The following ST6GAL1 variants were observed in gnomAD, a reference collection of about 807,000 sequenced individuals.
ST6GAL1 encodes ST6 beta-galactoside alpha-2,6-sialyltransferase 1, also known as beta-galactoside alpha-2,6-sialyltransferase 1.
A neutral mutation model predicts 38.0 loss-of-function variants in ST6GAL1; 20 were observed. The ratio of observed to expected loss-of-function variants is 0.53; its 90% CI spans 0.37 to 0.77. The LOEUF is 0.77. Among genes scored for constraint, ST6GAL1 ranks in the 30% least tolerant of loss-of-function variants. The pLI, the probability that ST6GAL1 is intolerant of heterozygous loss-of-function variation, is 0.00. For synonymous variants in ST6GAL1, 196 were observed against 188.2 expected (o/e 1.04, Z -0.34); for missense variants, 432 against 496.4 (o/e 0.87, Z 1.23).
rs374148828 is a variant in ST6GAL1 at position 187,048,880 on chromosome 3, A to ATTTTTTTTTTTTTTT, written c.608-2355_608-2341dup. Among the ~76,000 whole-genome samples the ATTTTTTTTTTTTTTT allele has an allele frequency of 7.8e-4, 90 of 115,432 alleles. 3 individuals are homozygous for ATTTTTTTTTTTTTTT. Among genetic ancestry groups the ATTTTTTTTTTTTTTT allele is most frequent in the African/African-American group, 3.3e-3 (87 of 26,564 alleles). The allele number at this position is 115,432 out of a possible 152,430, so 75.7% of individuals were successfully genotyped here. ...TCTGGCTCTGTCCCTGAGAAATTGA[A>ATTTTTTTTTTTTTTT]TTTTTTTTTTTTTTTTTTTTTTTTT... On this transcript the variant is annotated intron_variant, in intron 4 of 7. Transcript: ENST00000169298.
chr3:186,973,515 C>T (rs1020521494), intron 2 of ST6GAL1, among the ~76,000 whole-genome samples: 3 of 152,308 alleles, frequency 2.0e-5, no homozygotes, highest in Middle Eastern at 3.4e-3. Flanking sequence ...GTAGAGACTC[C>T]CATCCACTTC....
At chr3:186,984,046 A>T (rs1715780303) in intron 2 of ST6GAL1, among the ~76,000 whole-genome samples, 1 of 152,102 alleles carries the variant, frequency 6.6e-6, no homozygotes, top group Non-Finnish European at 1.5e-5. Context: ...CTCTGCCCCC[A>T]GGTCTGCTCT....
At position 187,015,078 on chromosome 3, in the gene ST6GAL1, T is replaced by G. The variant is rs570966115; in HGVS notation, c.-182-23664T>G. On this transcript the variant is annotated intron_variant, in intron 2 of 7. Transcript: ENST00000169298. The stretch of plus-strand genomic sequence containing the variant: ...TTCTCCCTAACATGGACTAGCAATT[T>G]TGTTTCTCTGGGAGCCATAATTCAC... 3.3e-5 allele frequency among the ~76,000 whole-genome samples: 5 copies of G among 152,310 alleles called. No homozygotes were observed. In the East Asian group the frequency reaches 9.7e-4, roughly 29 times the overall value.
intron 2 of ST6GAL1, among the ~76,000 whole-genome samples, chr3:186,974,633 A>T (rs1715460478): frequency 6.6e-6 from 1 of 150,944 alleles, no homozygotes; most frequent in Non-Finnish European, 1.5e-5. Context: ...CAGGAGAATT[A>T]TTTTTGTTTT....
At chr3:187,024,416 C>T (rs28599935) in intron 2 of ST6GAL1, among the ~76,000 whole-genome samples, 5 of 120,360 alleles carry the variant, frequency 4.2e-5, no homozygotes, top group Admixed American at 2.8e-4. Flanking sequence ...TATATATATA[C>T]ACACACACAT....
At chr3:187,060,729 T>G (rs1718889093) in intron 5 of ST6GAL1, among the ~76,000 whole-genome samples, 1 of 152,212 alleles carries the variant, frequency 6.6e-6, no homozygotes, top group Admixed American at 6.5e-5. Flanking sequence ...GGGCCAAAGG[T>G]GCAGCTCAGT....
rs965120131 is a variant in ST6GAL1 at position 186,988,567 on chromosome 3, G to C, written c.-183+24641G>C. 3.3e-5 allele frequency among the ~76,000 whole-genome samples: 5 copies of C among 149,510 alleles called. No individual in the cohort carries two copies. In the South Asian group the frequency reaches 1.1e-3, roughly 32 times the overall value. ...CAGGCTGTGTGTGTGTTTTGGGGTG[G>C]GGGGGTGGTGGTGGGGGCGGGTGGT... On this transcript the variant is annotated intron_variant, in intron 2 of 7. Transcript: ENST00000169298.
intron 2 of ST6GAL1, among the ~76,000 whole-genome samples, chr3:187,028,897 T>C (rs892287979): frequency 2.0e-5 from 3 of 152,210 alleles, no homozygotes; most frequent in Middle Eastern, 3.4e-3. Flanking sequence ...CTTGATAATA[T>C]ACAGATTAAA....
intron 2 of ST6GAL1, among the ~76,000 whole-genome samples, chr3:186,967,589 A>G (rs929642608): frequency 2.0e-5 from 3 of 152,176 alleles, no homozygotes; most frequent in Non-Finnish European, 2.9e-5. Flanking sequence ...ACTGAGGGAC[A>G]GGGCTGAGGG....
rs1035560483 is a variant in ST6GAL1 at position 186,984,301 on chromosome 3, C to T, written c.-183+20375C>T. Among the ~76,000 whole-genome samples, 5 of 152,200 alleles carry T rather than the reference C, an allele frequency of 3.3e-5. No individual in the cohort carries two copies. The East Asian group carries it at 9.6e-4, about 29-fold the overall frequency. ...TTACTACTATCCCTGCCCCCTATTC[C>T]TGTTCCCACATGGCAGCCTGAGCAA... On this transcript the variant is annotated intron_variant, in intron 2 of 7. Coordinates refer to ENST00000169298, the MANE Select transcript of ST6GAL1 (RefSeq NM_173216.2).
chr3:186,933,605 C>A (rs1713839383), intron 1 of ST6GAL1, among the ~76,000 whole-genome samples: 1 of 152,186 alleles, frequency 6.6e-6, no homozygotes, highest in South Asian at 2.1e-4. Flanking sequence ...AGGACGCTGA[C>A]CCTGTAAGGA....
intron 1 of ST6GAL1, among the ~76,000 whole-genome samples, chr3:186,963,161 G>A (rs1234524357): frequency 1.3e-5 from 2 of 152,060 alleles, no homozygotes; most frequent in Non-Finnish European, 2.9e-5. Context: ...AATAATATAT[G>A]GGTTGAAAAT....
intron 2 of ST6GAL1, among the ~76,000 whole-genome samples, chr3:187,007,229 A>C (rs1281976253): frequency 1.3e-5 from 2 of 152,208 alleles, no homozygotes; most frequent in Non-Finnish European, 2.9e-5. Flanking sequence ...AGGGGGGAAA[A>C]GCCACTGGAA....
intron 2 of ST6GAL1, among the ~76,000 whole-genome samples, chr3:186,981,136 C>T (rs573462422): frequency 3.3e-5 from 5 of 152,352 alleles, no homozygotes; most frequent in African/African-American, 1.2e-4. Flanking sequence ...CAAAGTTCAT[C>T]TGAGCAAAGA....
intron 2 of ST6GAL1, among the ~76,000 whole-genome samples, chr3:186,997,203 G>A (rs1286821581): frequency 6.6e-6 from 1 of 152,124 alleles, no homozygotes; most frequent in African/African-American, 2.4e-5. Context: ...ACTTCCTCCT[G>A]ACCTCTATAG....
chr3:186,990,493 A>G (rs1157995587), intron 2 of ST6GAL1, among the ~76,000 whole-genome samples: 8 of 152,128 alleles, frequency 5.3e-5, no homozygotes, highest in Non-Finnish European at 4.4e-5. Flanking sequence ...GGCATAGACT[A>G]TTGATAGACT....
chr3:187,009,316 G>C (rs1472780461), intron 2 of ST6GAL1, among the ~76,000 whole-genome samples: 1 of 152,074 alleles, frequency 6.6e-6, no homozygotes, highest in Admixed American at 6.6e-5. Flanking sequence ...TTTATGGATG[G>C]AATGATATGT....
intron 3 of ST6GAL1, 22 bp downstream of exon 3, chr3:187,038,895 G>C (rs1036748444): frequency 1.3e-5 from 2 of 152,256 alleles, no homozygotes; most frequent in Admixed American, 6.5e-5. Flanking sequence ...ACAGAGGCAT[G>C]GGCTAGCAAA....
At chr3:187,012,876 G>C (rs759544519) in intron 2 of ST6GAL1, among the ~76,000 whole-genome samples, 14 of 152,210 alleles carry the variant, frequency 9.2e-5, no homozygotes, top group Non-Finnish European at 1.9e-4. Context: ...AGGGAAGTCA[G>C]CAGGCTTCAC....
Sources: allele counts gnomAD v4.1 joint callset (sites outside exome capture counted in the v4.1 genomes callset), GRCh38; gene constraint gnomAD v4.1.1; transcripts MANE v1.5; gene names NCBI Gene and HGNC (gene_info 2026-07-23, HGNC 2026-07-21).